The following SLC2A1 variants were observed in gnomAD, a reference collection of about 807,000 sequenced individuals.
The protein encoded by SLC2A1 is solute carrier family 2, facilitated glucose transporter member 1.
In SLC2A1, 4 loss-of-function variants were observed where a neutral mutation model predicts 46.6. The ratio of observed to expected loss-of-function variants is 0.09; its 90% CI spans 0.04 to 0.20. The LOEUF (loss-of-function observed/expected upper bound fraction) is 0.20. Ranked by LOEUF, SLC2A1 falls within the 10% of genes least tolerant of loss-of-function variation. The probability of loss-of-function intolerance (pLI) is 1.00; values close to 1 mark genes in which losing one functional copy is unlikely to be tolerated. For missense variants in SLC2A1, 352 were observed against 667.0 expected (o/e 0.53, Z 5.20); for synonymous variants, 253 against 270.0 (o/e 0.94, Z 0.62).
At chr1:42,953,019 G>T (rs1557654757) in intron 1 of SLC2A1, among the ~76,000 whole-genome samples, 1 of 152,252 alleles carries the variant, frequency 6.6e-6, no homozygotes, top group Admixed American at 6.5e-5. Flanking sequence ...AACAAGAAGT[G>T]TGGCTGGCCT....
rs140623903 is a variant in SLC2A1, at chr1:42,928,494, A to T, written c.1074+438T>A. Among the ~76,000 whole-genome samples the T allele has an allele frequency of 1.2e-4, 18 of 152,270 alleles. 1 individual carries two copies. In the East Asian group the frequency reaches 3.5e-3, roughly 29 times the overall value. On this transcript the variant is annotated intron_variant, in intron 8 of 9. Transcript: ENST00000426263. The stretch of plus-strand genomic sequence containing the variant: ...AAGTTACTAACCTCACTGGGACTTA[A>T]GCTTCCTCCCCCATAAAATGGGAAG...
At chr1:42,949,733 T>C (rs1308086127) in intron 1 of SLC2A1, among the ~76,000 whole-genome samples, 1 of 152,210 alleles carries the variant, frequency 6.6e-6, no homozygotes. Flanking sequence ...ACATTCTGAT[T>C]AACCACCATG....
intron 1 of SLC2A1, among the ~76,000 whole-genome samples, chr1:42,953,006 T>C (rs1643738050): frequency 1.3e-5 from 2 of 152,180 alleles, no homozygotes; most frequent in African/African-American, 4.8e-5. Context: ...GGACACAAGC[T>C]CCAACAAGAA....
In SLC2A1 at chr1:42,943,259, G is replaced by C. The variant is rs1643616085; in HGVS notation, c.81C>G (p.Gly27=). The part of the protein sequence containing the change: ...GGAVLGSLQF[G]YNTGVINAPQ... ...GGGCATTGATGACTCCAGTGTTGTAGCCAAACTGCAGGGAGCCAAGCACTG... is the reference window on the plus strand; with the variant it reads ...GGGCATTGATGACTCCAGTGTTGTACCCAAACTGCAGGGAGCCAAGCACTG... The change falls in exon 2 of 10, where the codon GGC becomes GGG. Residue 27 remains glycine (G), a synonymous_variant. Coordinates refer to ENST00000426263, the MANE Select transcript of SLC2A1 (RefSeq NM_006516.4). The C allele has an allele frequency of 1.2e-6, 2 of 1,613,744 alleles. No homozygotes were observed. Among genetic ancestry groups the C allele is most frequent in the African/African-American group, 1.3e-5 (1 of 74,916 alleles).
chr1:42,936,189 G>A (rs1330262327), intron 2 of SLC2A1, among the ~76,000 whole-genome samples: 1 of 152,128 alleles, frequency 6.6e-6, no homozygotes, highest in Admixed American at 6.5e-5. Flanking sequence ...GCCAGGTTTA[G>A]GCTCGGTCTC....
chr1:42,926,967 T>C lies in SLC2A1; in HGVS notation c.*74A>G. On this transcript the variant is annotated 3_prime_UTR_variant, in exon 10 of 10. Coordinates refer to ENST00000426263, the MANE Select transcript of SLC2A1 (RefSeq NM_006516.4). ...CTGACATCTGTCAGGTTTGGAAGTC[T>C]CATCCAGCTGCCTGTGCTCCTGAGA... The C allele has an allele frequency of 6.3e-7, 1 of 1,577,468 alleles. No individual in the cohort carries two copies.
At chr1:42,938,980 T>G (rs964452298) in intron 2 of SLC2A1, among the ~76,000 whole-genome samples, 6 of 152,236 alleles carry the variant, frequency 3.9e-5, no homozygotes, top group African/African-American at 1.4e-4. Flanking sequence ...AGACTGTGTC[T>G]CAGGCAGCTC....
rs1201407246 is a variant in SLC2A1, at chr1:42,930,155, A to T, written c.517-120T>A. 5 of 1,109,082 alleles carry T rather than the reference A, an allele frequency of 4.5e-6. No homozygotes were observed. The highest frequency in any genetic ancestry group is 6.7e-6 in the Non-Finnish European group (5 of 746,070). 68.7% of individuals were successfully genotyped at this position (1,109,082 alleles called of 1,614,324 possible). On this transcript the variant is annotated intron_variant, in intron 4 of 9. Transcript: ENST00000426263. This position sits in a 1 kb window ranked among gnomAD's most constrained non-coding sequence, Gnocchi z 6.2. ...CTTCAGGGAAGGGCCCCAGTTCTAG[A>T]GGCTCTGCCACTAGCATGAGCCCTG...
chr1:42,943,352 C>T (rs368983980), intron 1 of SLC2A1, 31 bp from the exon 2 acceptor site: 18 of 1,538,154 alleles, frequency 1.2e-5, no homozygotes, highest in South Asian at 7.9e-5. Context: ...CTGTTATAGG[C>T]GTGTCTGGGA....
chr1:42,932,950 G>A (rs1056484111), intron 2 of SLC2A1, among the ~76,000 whole-genome samples: 10 of 152,204 alleles, frequency 6.6e-5, no homozygotes, highest in Non-Finnish European at 1.3e-4. Flanking sequence ...TTCCAAGGAC[G>A]CCATGCAGGG....
chr1:42,941,100 G>GGCAA (rs1557650515), intron 2 of SLC2A1, among the ~76,000 whole-genome samples: 7 of 152,282 alleles, frequency 4.6e-5, no homozygotes, highest in African/African-American at 1.7e-4. Context: ...TAGTCCAACG[G>GGCAA]CAACTTTCTT....
At chr1:42,948,287 A>C (rs1226814864) in intron 1 of SLC2A1, among the ~76,000 whole-genome samples, 1 of 152,200 alleles carries the variant, frequency 6.6e-6, no homozygotes, top group Non-Finnish European at 1.5e-5. Context: ...GACCCATGTC[A>C]GTGTGTCAGC....
At position 42,954,781 on chromosome 1, in the gene SLC2A1, G is replaced by A. The variant is rs1353342112; in HGVS notation, c.18+3853C>T. 6.6e-6 allele frequency among the ~76,000 whole-genome samples: 1 copy of A among 152,200 alleles called. No individual in the cohort carries two copies. Among genetic ancestry groups the A allele is most frequent in the East Asian group, 1.9e-4 (1 of 5,202 alleles). On this transcript the variant is annotated intron_variant, in intron 1 of 9. Transcript: ENST00000426263. This position sits in a 1 kb window ranked among gnomAD's most constrained non-coding sequence, Gnocchi z 4.2. Reference sequence around the variant, plus strand: ...AAGTCATTTTTTATTGGACCATGAGGTCACTGTAACTTGTATCACAGGGCA... The same window carrying A: ...AAGTCATTTTTTATTGGACCATGAGATCACTGTAACTTGTATCACAGGGCA...
intron 2 of SLC2A1, among the ~76,000 whole-genome samples, chr1:42,933,858 T>A (rs1643516474): frequency 1.3e-5 from 2 of 152,294 alleles, no homozygotes. Context: ...CAATGGTGTC[T>A]GCCCTTGGGG....
chr1:42,943,168 G>T, intron 2 of SLC2A1, 58 bp downstream of exon 2: 1 of 1,108,010 alleles, frequency 9.0e-7, no homozygotes, highest in South Asian at 1.3e-5. Context: ...CTGTGGGCAT[G>T]TGTGATGTGC....
rs535500856 is a variant in SLC2A1, at chr1:42,934,737, C to T, written c.115-3531G>A. On this transcript the variant is annotated intron_variant, in intron 2 of 9. Coordinates refer to ENST00000426263, the MANE Select transcript of SLC2A1 (RefSeq NM_006516.4). ...GTCATGTGTGAGGTGAGACCTGGCACGTGCCTGTTCTGAACGCTCCCACCT... is the reference window on the plus strand; with the variant it reads ...GTCATGTGTGAGGTGAGACCTGGCATGTGCCTGTTCTGAACGCTCCCACCT... Among the ~76,000 whole-genome samples, 13 of 152,248 alleles carry T rather than the reference C, an allele frequency of 8.5e-5. No homozygotes were observed. In the South Asian group the frequency reaches 1.9e-3, roughly 22 times the overall value.
At chr1:42,941,141 T>G (rs1643593763) in intron 2 of SLC2A1, among the ~76,000 whole-genome samples, 1 of 152,210 alleles carries the variant, frequency 6.6e-6, no homozygotes, top group South Asian at 2.1e-4. Flanking sequence ...CTCACATTCT[T>G]AAGTCCGCCC....
At chr1:42,952,340 C>T (rs147589783) in intron 1 of SLC2A1, 374 of 469,360 alleles carry the variant, frequency 8.0e-4, no homozygotes, top group African/African-American at 6.9e-3. Context: ...AGCTGGCTGC[C>T]GGGCCACTCA....
chr1:42,938,532 T>C (rs530185126), intron 2 of SLC2A1, among the ~76,000 whole-genome samples: 60 of 152,308 alleles, frequency 3.9e-4, no homozygotes, highest in African/African-American at 1.3e-3. Flanking sequence ...TTGGGGCCTG[T>C]TTTATGGAAG....
Sources: allele counts gnomAD v4.1 joint callset (sites outside exome capture counted in the v4.1 genomes callset), GRCh38; gene constraint gnomAD v4.1.1; non-coding constraint Gnocchi (gnomAD v3.1); transcripts MANE v1.5; gene names NCBI Gene and HGNC (gene_info 2026-07-23, HGNC 2026-07-21).